Variants in MYOM2 observed in about 807,000 individuals in gnomAD.
MYOM2 encodes the protein myomesin-2.
A neutral mutation model predicts 187.6 loss-of-function variants in MYOM2; 254 were observed. The observed-to-expected ratio is 1.35, with a 90% CI of 1.22 to 1.50. The LOEUF is 1.50. Ranked by LOEUF, MYOM2 falls within the 40% of genes most tolerant of loss-of-function variation. MYOM2 has a pLI of 0.00. For missense variants in MYOM2, 2,796 were observed against 1,924.0 expected, an observed-to-expected ratio of 1.45 and a Z score of -8.48; for synonymous variants, 981 against 753.8, an observed-to-expected ratio of 1.30 and a Z score of -4.94.
chr8:2,071,762 G>C (rs971702823), intron 8 of MYOM2, among the ~76,000 whole-genome samples: 1 of 152,200 alleles, frequency 6.6e-6, no homozygotes, highest in Non-Finnish European at 1.5e-5. Flanking sequence ...TCTCTGTTCT[G>C]GAGGCAGAAG....
rs191508582 is a variant in MYOM2, at chr8:2,096,988, G to T, written c.2313+554G>T. 510 of 319,080 alleles carry T rather than the reference G, an allele frequency of 1.6e-3. 3 individuals carry two copies. Among genetic ancestry groups the T allele is most frequent in the African/African-American group, 0.011 (494 of 44,488 alleles). 19.8% of individuals were successfully genotyped at this position (319,080 alleles called of 1,614,324 possible). ...GTCAGATCCAGACACCCCCTTGGCA[G>T]CCATTGCTCTGTTTCCCTGTCCGGC... On this transcript the variant is annotated intron_variant, in intron 18 of 36. Transcript: ENST00000262113.
intron 6 of MYOM2, among the ~76,000 whole-genome samples, chr8:2,068,995 C>T (rs1401261313): frequency 6.6e-6 from 1 of 152,190 alleles, no homozygotes; most frequent in Non-Finnish European, 1.5e-5. Flanking sequence ...GAGACTTCTC[C>T]TTGAGAATGA....
chr8:2,071,997 C>T (rs1490359824), intron 8 of MYOM2, among the ~76,000 whole-genome samples: 1 of 152,114 alleles, frequency 6.6e-6, no homozygotes. Context: ...GTCAGGGATT[C>T]AACACTGGAA....
intron 13 of MYOM2, 80 bp downstream of exon 13, chr8:2,079,693 G>C (rs950631791): frequency 6.9e-7 from 1 of 1,451,664 alleles, no homozygotes; most frequent in Admixed American, 1.7e-5. Flanking sequence ...GATGGACAGA[G>C]AACGCCCCCT....
At chr8:2,049,250 T>G (rs1297755948) in intron 1 of MYOM2, among the ~76,000 whole-genome samples, 2 of 152,168 alleles carry the variant, frequency 1.3e-5, no homozygotes, top group African/African-American at 2.4e-5. Context: ...TGTGGCAGTG[T>G]GAAAGGCCCA....
intron 3 of MYOM2, among the ~76,000 whole-genome samples, chr8:2,053,702 G>T (rs944534138): frequency 6.6e-6 from 1 of 152,218 alleles, no homozygotes; most frequent in Non-Finnish European, 1.5e-5. Context: ...AAGGGGTTAT[G>T]TTCTCACGGC....
At chr8:2,054,940 G>A (rs62480485) in intron 3 of MYOM2, among the ~76,000 whole-genome samples, 45,866 of 128,696 alleles carry the variant, frequency 0.36, 10,378 homozygotes, top group East Asian at 0.73. Context: ...GGATAATGGG[G>A]GAACGAAGTA....
intron 28 of MYOM2, among the ~76,000 whole-genome samples, chr8:2,120,864 C>T (rs1295683224): frequency 6.7e-6 from 1 of 149,700 alleles, no homozygotes; most frequent in Non-Finnish European, 1.5e-5. Flanking sequence ...GGTTCGATAA[C>T]ATGCTCAAGG....
At chr8:2,098,822 T>C (rs1240995845) in intron 18 of MYOM2, 35 bp from the exon 19 acceptor site, 1 of 1,586,252 alleles carries the variant, frequency 6.3e-7, no homozygotes, top group Non-Finnish European at 8.6e-7. Flanking sequence ...AGGCATCCTT[T>C]ATCTCATGTA....
At chr8:2,089,369 A>G (rs527694813) in intron 14 of MYOM2, among the ~76,000 whole-genome samples, 7 of 152,218 alleles carry the variant, frequency 4.6e-5, no homozygotes, top group Non-Finnish European at 8.8e-5. Flanking sequence ...CGTGTGGTAC[A>G]TATATTTATA....
intron 14 of MYOM2, among the ~76,000 whole-genome samples, chr8:2,087,685 A>C (rs1444164731): frequency 1.3e-5 from 2 of 152,196 alleles, no homozygotes; most frequent in Non-Finnish European, 1.5e-5. Flanking sequence ...GTCATGGCTC[A>C]CTGCAGTCTC....
At chr8:2,131,276 G>C (rs993605280) in intron 32 of MYOM2, among the ~76,000 whole-genome samples, 1 of 152,162 alleles carries the variant, frequency 6.6e-6, no homozygotes, top group Non-Finnish European at 1.5e-5. Flanking sequence ...CTGTGAGTTA[G>C]GTATTTATAC....
intron 20 of MYOM2, among the ~76,000 whole-genome samples, 163 bp downstream of exon 20, chr8:2,101,217 G>A (rs914044488): frequency 1.3e-5 from 2 of 152,122 alleles, no homozygotes; most frequent in African/African-American, 4.8e-5. Flanking sequence ...GCATGGCACC[G>A]TGGCAGGCAC....
At chr8:2,061,328 C>T (rs1373690747) in intron 6 of MYOM2, among the ~76,000 whole-genome samples, 1 of 152,138 alleles carries the variant, frequency 6.6e-6, no homozygotes, top group Non-Finnish European at 1.5e-5. Context: ...TTTGTCCCCT[C>T]CAGCCTGGTG....
At chr8:2,100,843 C>T (rs372328097) in intron 19 of MYOM2, 33 bp from the exon 20 acceptor site, 114 of 1,611,032 alleles carry the variant, frequency 7.1e-5, no homozygotes, top group Middle Eastern at 1.6e-4. Flanking sequence ...ACTGGCTATG[C>T]GCGCAGAAAC....
At chr8:2,130,802 C>G (rs1401478056) in intron 32 of MYOM2, among the ~76,000 whole-genome samples, 1 of 152,146 alleles carries the variant, frequency 6.6e-6, no homozygotes, top group Non-Finnish European at 1.5e-5. Flanking sequence ...GCTTACAGGA[C>G]TAGAACTCTG....
At chr8:2,117,226 G>A (rs1797279404) in intron 27 of MYOM2, among the ~76,000 whole-genome samples, 1 of 152,022 alleles carries the variant, frequency 6.6e-6, no homozygotes, top group African/African-American at 2.4e-5. Flanking sequence ...ACATTTTTGG[G>A]CCAACTTTGT....
At chr8:2,115,911 A>G (rs769715485) in intron 25 of MYOM2, 49 bp from the exon 26 acceptor site, 1 of 1,585,168 alleles carries the variant, frequency 6.3e-7, no homozygotes, top group African/African-American at 1.4e-5. Flanking sequence ...AGGGAAAACT[A>G]GGAGAGATTT....
intron 31 of MYOM2, among the ~76,000 whole-genome samples, chr8:2,128,089 C>G (rs1421096476): frequency 1.3e-5 from 2 of 151,942 alleles, no homozygotes; most frequent in Admixed American, 1.3e-4. Flanking sequence ...AAAATAATTA[C>G]TTATTATTTC....
Sources: gnomAD v4.1 joint callset for allele counts (sites outside exome capture counted in the v4.1 genomes callset) on GRCh38, gnomAD v4.1.1 for gene constraint, MANE v1.5 for transcripts, NCBI Gene and HGNC (gene_info 2026-07-23, HGNC 2026-07-21) for gene names.